The following ADGRF5 variants were observed in gnomAD, a reference collection of about 807,000 sequenced individuals.
ADGRF5 encodes G-protein coupled receptor 116.
ADGRF5 carries 75 observed loss-of-function variants against 132.3 expected under a neutral mutation model. The observed-to-expected ratio is 0.57, with a 90% CI of 0.47 to 0.69. The LOEUF is 0.69. Among genes scored for constraint, ADGRF5 ranks in the 30% least tolerant of loss-of-function variants. ADGRF5 has a pLI of 0.00. For synonymous variants in ADGRF5, 629 were observed against 597.6 expected, an observed-to-expected ratio of 1.05 and a Z score of -0.77; for missense variants, 1,516 against 1,630.6, an observed-to-expected ratio of 0.93 and a Z score of 1.21.
intron 10 of ADGRF5, among the ~76,000 whole-genome samples, chr6:46,874,822 C>T (rs1371468563): frequency 6.6e-6 from 1 of 152,188 alleles, no homozygotes; most frequent in African/African-American, 2.4e-5. Flanking sequence ...GATGTGCTCT[C>T]AATGAGGGGC....
chr6:46,948,666 C>T (rs747933118), intron 1 of ADGRF5, among the ~76,000 whole-genome samples: 13 of 152,166 alleles, frequency 8.5e-5, no homozygotes, highest in African/African-American at 2.9e-4. Flanking sequence ...CTTCACAGTA[C>T]GGGTGAGATT....
chr6:46,904,318 T>C (rs1246776827), intron 2 of ADGRF5, among the ~76,000 whole-genome samples: 1 of 152,170 alleles, frequency 6.6e-6, no homozygotes, highest in East Asian at 1.9e-4. Flanking sequence ...GATGGATGAG[T>C]GGACAAACAA....
intron 20 of ADGRF5, among the ~76,000 whole-genome samples, chr6:46,855,345 T>C (rs1355949186): frequency 1.3e-5 from 2 of 152,228 alleles, no homozygotes; most frequent in Non-Finnish European, 2.9e-5. Flanking sequence ...ACTTTATGTA[T>C]ATTTGCTTAT....
chr6:46,892,206 A>G (rs1391361231), intron 3 of ADGRF5, among the ~76,000 whole-genome samples: 2 of 148,620 alleles, frequency 1.3e-5, no homozygotes, highest in Non-Finnish European at 3.0e-5. Flanking sequence ...ACACACACAC[A>G]CACAGAAAGA....
Position 46,862,425 on chromosome 6 carries a change from C to T in ADGRF5, c.2199+463G>A, listed in dbSNP as rs538837105. Among the ~76,000 whole-genome samples the T allele has an allele frequency of 4.6e-5, 7 of 152,188 alleles. No individual in the cohort carries two copies. In the South Asian group the frequency reaches 1.5e-3, roughly 32 times the overall value. ...CTTCTTCAAAAGCACAAGTTACTTCCAAGTAGTCAGAAAATTTCATACCTG... is the reference window on the plus strand; with the variant it reads ...CTTCTTCAAAAGCACAAGTTACTTCTAAGTAGTCAGAAAATTTCATACCTG... On this transcript the variant is annotated intron_variant, in intron 15 of 20. Transcript: ENST00000283296.
intron 1 of ADGRF5, among the ~76,000 whole-genome samples, chr6:46,953,005 C>T (rs1306701796): frequency 6.6e-6 from 1 of 152,096 alleles, no homozygotes; most frequent in African/African-American, 2.4e-5. Flanking sequence ...GGACAGCACA[C>T]ACAGAAATAG....
Sources: allele counts gnomAD v4.1 joint callset (sites outside exome capture counted in the v4.1 genomes callset), GRCh38; gene constraint gnomAD v4.1.1; transcripts MANE v1.5; gene names NCBI Gene and HGNC (gene_info 2026-07-23, HGNC 2026-07-21).